Variants in ABLIM1 observed in about 807,000 individuals in gnomAD.
ABLIM1 encodes the protein actin-binding LIM protein 1.
ABLIM1 carries 40 observed loss-of-function variants against 107.0 expected under a neutral mutation model. The ratio of observed to expected loss-of-function variants is 0.37; its 90% CI spans 0.29 to 0.49. ABLIM1 has a LOEUF of 0.49. Ranked by LOEUF, ABLIM1 falls within the 20% of genes least tolerant of loss-of-function variation. The probability of loss-of-function intolerance (pLI) is 0.97; values close to 1 mark genes in which losing one functional copy is unlikely to be tolerated. For synonymous variants in ABLIM1, 357 were observed against 357.3 expected, an observed-to-expected ratio of 1.00 and a Z score of 0.01; for missense variants, 857 against 1,008.5, an observed-to-expected ratio of 0.85 and a Z score of 2.04.
chr10:114,472,932 G>T, intron 10 of ABLIM1, 45 bp downstream of exon 10: 2 of 1,465,262 alleles, frequency 1.4e-6, no homozygotes, highest in South Asian at 1.5e-5. Flanking sequence ...TGACAAAAGG[G>T]AAGGTAAATT....
chr10:114,497,963 C>G (rs1418536298), intron 6 of ABLIM1, among the ~76,000 whole-genome samples: 2 of 152,146 alleles, frequency 1.3e-5, no homozygotes, highest in African/African-American at 4.8e-5. Context: ...AACCAGGATT[C>G]TGGGGAAATA....
intron 13 of ABLIM1, among the ~76,000 whole-genome samples, chr10:114,452,103 T>C (rs1196945033): frequency 6.6e-6 from 1 of 152,006 alleles, no homozygotes; most frequent in Non-Finnish European, 1.5e-5. Flanking sequence ...AACTAATGAG[T>C]GGAACAGTGG....
intron 4 of ABLIM1, among the ~76,000 whole-genome samples, chr10:114,562,422 G>C (rs1052576933): frequency 1.1e-4 from 17 of 152,190 alleles, no homozygotes; most frequent in African/African-American, 3.9e-4. Context: ...CCAGCTACTC[G>C]GGAGGCTGAG....
intron 1 of ABLIM1, among the ~76,000 whole-genome samples, chr10:114,736,272 C>T (rs890150183): frequency 3.9e-5 from 6 of 152,154 alleles, no homozygotes; most frequent in African/African-American, 1.4e-4. Context: ...ATACTGCTTG[C>T]ATTAAGCAAA....
intron 1 of ABLIM1, among the ~76,000 whole-genome samples, chr10:114,624,960 A>G (rs902285031): frequency 1.2e-4 from 19 of 152,162 alleles, no homozygotes; most frequent in African/African-American, 4.6e-4. Flanking sequence ...CAAAAACTGG[A>G]GCACCCCTCC....
At chr10:114,760,727 G>C (rs1319745104) in intron 1 of ABLIM1, among the ~76,000 whole-genome samples, 3 of 152,140 alleles carry the variant, frequency 2.0e-5, no homozygotes, top group African/African-American at 7.2e-5. Context: ...GCAGTTCACA[G>C]ATACAATGTG....
intron 2 of ABLIM1, among the ~76,000 whole-genome samples, chr10:114,590,452 A>C (rs758877607): frequency 6.6e-6 from 1 of 152,170 alleles, no homozygotes; most frequent in Non-Finnish European, 1.5e-5. Context: ...ACTCTGCACT[A>C]AAGAGTTTTA....
intron 1 of ABLIM1, among the ~76,000 whole-genome samples, chr10:114,699,399 T>C (rs1566251457): frequency 6.6e-6 from 1 of 152,068 alleles, no homozygotes; most frequent in Non-Finnish European, 1.5e-5. Context: ...TTATATTGGT[T>C]TTCAGCTCTA....
intron 1 of ABLIM1, among the ~76,000 whole-genome samples, chr10:114,717,490 G>C (rs2081697220): frequency 6.6e-6 from 1 of 152,114 alleles, no homozygotes; most frequent in Non-Finnish European, 1.5e-5. Flanking sequence ...CAACATCCCT[G>C]GGCCTCTACC....
intron 1 of ABLIM1, among the ~76,000 whole-genome samples, chr10:114,622,744 C>T (rs1226584261): frequency 6.6e-6 from 1 of 152,112 alleles, no homozygotes; most frequent in Non-Finnish European, 1.5e-5. Flanking sequence ...GACAGCAAGA[C>T]CAAACCCTCC....
At chr10:114,626,480 C>A (rs2077806698) in intron 1 of ABLIM1, among the ~76,000 whole-genome samples, 1 of 152,176 alleles carries the variant, frequency 6.6e-6, no homozygotes, top group Non-Finnish European at 1.5e-5. Flanking sequence ...CTACTCACTT[C>A]TGATCACTCC....
At chr10:114,709,996 C>G (rs977645522) in intron 1 of ABLIM1, among the ~76,000 whole-genome samples, 1 of 152,206 alleles carries the variant, frequency 6.6e-6, no homozygotes, top group South Asian at 2.1e-4. Flanking sequence ...TATACCACCA[C>G]TCCCACCATG....
chr10:114,764,424 G>A (rs113510423), intron 1 of ABLIM1, among the ~76,000 whole-genome samples: 3,933 of 152,276 alleles, frequency 0.026, 73 homozygotes, highest in Non-Finnish European at 0.042. Flanking sequence ...CCAAGCTGGA[G>A]TGCAAAGTCG....
intron 8 of ABLIM1, among the ~76,000 whole-genome samples, chr10:114,487,379 T>C (rs1036557249): frequency 1.3e-5 from 2 of 152,192 alleles, no homozygotes; most frequent in Non-Finnish European, 2.9e-5. Context: ...ATGATCACAG[T>C]TTTACAACTG....
intron 8 of ABLIM1, among the ~76,000 whole-genome samples, chr10:114,484,804 G>C (rs1197016461): frequency 6.6e-6 from 1 of 152,118 alleles, no homozygotes; most frequent in Non-Finnish European, 1.5e-5. Context: ...GCAAATCTCA[G>C]CCAGCCTCCA....
At chr10:114,628,417 A>T (rs2077957991) in intron 1 of ABLIM1, among the ~76,000 whole-genome samples, 1 of 152,256 alleles carries the variant, frequency 6.6e-6, no homozygotes, top group African/African-American at 2.4e-5. Context: ...CTCTCAAAAT[A>T]TCAGTAATGC....
Position 114,680,599 on chromosome 10 carries a change from G to A in ABLIM1, c.64+3691C>T. ...CAAGAGGCACCCTTCCTTCATACTGGAGCCATGGTGACCCATGCTCAGATC... is the reference window on the plus strand; with the variant it reads ...CAAGAGGCACCCTTCCTTCATACTGAAGCCATGGTGACCCATGCTCAGATC... On this transcript the variant is annotated intron_variant, in intron 1 of 23. Coordinates refer to the ABLIM1 transcript ENST00000369256. Among the ~76,000 whole-genome samples the A allele has an allele frequency of 1.3e-5, 2 of 152,290 alleles. 1 individual carries two copies. Among genetic ancestry groups the A allele is most frequent in the South Asian group, 4.1e-4 (2 of 4,820 alleles).
chr10:114,529,122 T>C (rs1440779313), intron 6 of ABLIM1, among the ~76,000 whole-genome samples: 1 of 150,106 alleles, frequency 6.7e-6, no homozygotes, highest in Non-Finnish European at 1.5e-5. Flanking sequence ...CGAGTCTTCA[T>C]CCTCTTTTTT....
intron 4 of ABLIM1, among the ~76,000 whole-genome samples, chr10:114,564,411 C>T (rs999572512): frequency 1.3e-5 from 2 of 151,514 alleles, no homozygotes; most frequent in Admixed American, 1.3e-4. Context: ...ACTACCGGCG[C>T]GTGCAAGAAC....
Sources: allele counts gnomAD v4.1 joint callset (sites outside exome capture counted in the v4.1 genomes callset), GRCh38; gene constraint gnomAD v4.1.1; transcripts MANE v1.5; gene names NCBI Gene and HGNC (gene_info 2026-07-23, HGNC 2026-07-21).